Variants in DPP10 observed in about 807,000 individuals in gnomAD.
DPP10 encodes the protein dipeptidyl peptidase like 10.
DPP10 carries 33 observed loss-of-function variants against 120.9 expected under a neutral mutation model. The observed-to-expected ratio is 0.27, with a 90% CI of 0.21 to 0.37. The LOEUF is 0.37. Among genes scored for constraint, DPP10 ranks in the 10% least tolerant of loss-of-function variants. DPP10 has a pLI of 1.00. For synonymous variants in DPP10, 337 were observed against 326.1 expected, an observed-to-expected ratio of 1.03 and a Z score of -0.36; for missense variants, 816 against 942.8, an observed-to-expected ratio of 0.87 and a Z score of 1.76.
At chr2:114,970,021 C>T (rs1287431188) in intron 1 of DPP10, among the ~76,000 whole-genome samples, 1 of 152,102 alleles carries the variant, frequency 6.6e-6, no homozygotes, top group East Asian at 1.9e-4. Flanking sequence ...AGTCTTATCC[C>T]ACCCTTTATC....
chr2:115,295,324 T>G (rs896306320), intron 1 of DPP10, among the ~76,000 whole-genome samples: 11 of 152,110 alleles, frequency 7.2e-5, no homozygotes, highest in African/African-American at 2.4e-4. Context: ...ACAGATATAG[T>G]ATAACTTACC....
chr2:115,729,658 T>G (rs1277083217), intron 8 of DPP10, among the ~76,000 whole-genome samples: 1 of 152,106 alleles, frequency 6.6e-6, no homozygotes, highest in Non-Finnish European at 1.5e-5. Flanking sequence ...TGTTCCCAGC[T>G]GAAGTGAGAG....
At chr2:114,873,651 C>T (rs1690890169) in intron 1 of DPP10, among the ~76,000 whole-genome samples, 1 of 152,028 alleles carries the variant, frequency 6.6e-6, no homozygotes, top group African/African-American at 2.4e-5. Context: ...CTGTGTCCTT[C>T]ATAGAGAAAT....
intron 19 of DPP10, among the ~76,000 whole-genome samples, chr2:115,809,616 G>C (rs1351384287): frequency 6.6e-6 from 1 of 152,036 alleles, no homozygotes; most frequent in Non-Finnish European, 1.5e-5. Context: ...TGGTTCTCAA[G>C]GATTCTAGCT....
In DPP10 at chr2:114,496,363, G is replaced by T. The variant is rs73946179; in HGVS notation, c.60+53525G>T. 2.6e-3 allele frequency among the ~76,000 whole-genome samples: 403 copies of T among 152,272 alleles called. 1 individual carries two copies. The highest frequency in any genetic ancestry group is 9.5e-3 in the African/African-American group (395 of 41,574). On this transcript the variant is annotated intron_variant, in intron 1 of 25. Coordinates refer to ENST00000410059, the MANE Select transcript of DPP10 (RefSeq NM_020868.6). ...GTGTTGCTTATACTATTTTGGGGAT[G>T]CTGCAACAAAATACCTTAGACTGGG... is the stretch of plus-strand genomic sequence containing the variant.
chr2:114,638,072 G>A (rs955271502), intron 1 of DPP10, among the ~76,000 whole-genome samples: 1 of 151,788 alleles, frequency 6.6e-6, no homozygotes, highest in Admixed American at 6.6e-5. Flanking sequence ...AATTGCTTTG[G>A]GCAGTATGGC....
chr2:115,365,792 A>G (rs996550457), intron 3 of DPP10, among the ~76,000 whole-genome samples: 5 of 152,176 alleles, frequency 3.3e-5, no homozygotes, highest in Admixed American at 6.6e-5. Context: ...ATTCATATCT[A>G]CTGCTCACCA....
chr2:115,436,186 A>T (rs1008286317), intron 3 of DPP10, among the ~76,000 whole-genome samples: 1 of 151,840 alleles, frequency 6.6e-6, no homozygotes, highest in Non-Finnish European at 1.5e-5. Flanking sequence ...TAGTTACAAA[A>T]ATCTTTGTGA....
intron 1 of DPP10, among the ~76,000 whole-genome samples, chr2:114,873,907 A>G (rs1312905623): frequency 6.6e-6 from 1 of 152,168 alleles, no homozygotes; most frequent in Admixed American, 6.6e-5. Context: ...TCAATGACAC[A>G]GAATGGGATA....
At chr2:115,198,646 G>A (rs2055464153) in intron 1 of DPP10, among the ~76,000 whole-genome samples, 2 of 152,120 alleles carry the variant, frequency 1.3e-5, no homozygotes, top group Admixed American at 6.5e-5. Flanking sequence ...ACTTAAAATT[G>A]CATCACTTTT....
intron 1 of DPP10, among the ~76,000 whole-genome samples, chr2:114,533,567 C>T (rs888880405): frequency 6.6e-6 from 1 of 151,530 alleles, no homozygotes. Flanking sequence ...CTATGGCACA[C>T]GTTTACCTGT....
intron 1 of DPP10, among the ~76,000 whole-genome samples, chr2:114,796,252 T>C (rs7573312): frequency 0.61 from 92,789 of 151,936 alleles, 28,547 homozygotes; most frequent in East Asian, 0.78. Flanking sequence ...AGCAGAGAAA[T>C]GTCATGACAT....
intron 5 of DPP10, among the ~76,000 whole-genome samples, chr2:115,535,909 CTGTT>C (rs1440231415): frequency 4.0e-5 from 6 of 151,844 alleles, no homozygotes; most frequent in African/African-American, 9.7e-5. Context: ...ATTTGGTTCT[CTGTT>C]TGTCTGTTGT....
At chr2:114,753,301 A>G (rs1461760347) in intron 1 of DPP10, among the ~76,000 whole-genome samples, 1 of 152,134 alleles carries the variant, frequency 6.6e-6, no homozygotes, top group Non-Finnish European at 1.5e-5. Flanking sequence ...CACACCAAAT[A>G]CCAGGCTTTT....
intron 1 of DPP10, among the ~76,000 whole-genome samples, chr2:114,958,735 T>A (rs1320629964): frequency 6.6e-6 from 1 of 152,222 alleles, no homozygotes; most frequent in Non-Finnish European, 1.5e-5. Context: ...CTTTAAATAT[T>A]GGTATATTAG....
intron 4 of DPP10, among the ~76,000 whole-genome samples, chr2:115,518,149 C>T (rs948606457): frequency 6.6e-5 from 10 of 152,150 alleles, no homozygotes; most frequent in Admixed American, 1.3e-4. Context: ...CATGAGGAAG[C>T]CTGTCCCATG....
At chr2:114,973,309 T>C in intron 1 of DPP10, among the ~76,000 whole-genome samples, 1 of 151,984 alleles carries the variant, frequency 6.6e-6, no homozygotes, top group Non-Finnish European at 1.5e-5. Context: ...CTCGTTTATA[T>C]ATTTACCATA....
intron 1 of DPP10, among the ~76,000 whole-genome samples, chr2:115,234,234 AAATAAT>A (rs534994613): frequency 1.9e-4 from 29 of 152,252 alleles, no homozygotes; most frequent in African/African-American, 6.3e-4. Flanking sequence ...CACATACCTG[AAATAAT>A]AATAGTAAAC....
At chr2:114,776,298 T>C (rs1249704552) in intron 1 of DPP10, among the ~76,000 whole-genome samples, 2 of 152,174 alleles carry the variant, frequency 1.3e-5, no homozygotes, top group East Asian at 3.9e-4. Flanking sequence ...CCACTGCACA[T>C]TGGATATAGA....
Sources: allele counts gnomAD v4.1 joint callset (sites outside exome capture counted in the v4.1 genomes callset), GRCh38; gene constraint gnomAD v4.1.1; transcripts MANE v1.5; gene names NCBI Gene and HGNC (gene_info 2026-07-23, HGNC 2026-07-21).